ACAD11: variants seen among roughly 807,000 people sequenced by gnomAD.
The protein encoded by ACAD11 is acyl-Coenzyme A dehydrogenase family, member 11.
A neutral mutation model predicts 102.2 loss-of-function variants in ACAD11; 83 were observed. The observed-to-expected ratio is 0.81, with a 90% CI of 0.68 to 0.97. The LOEUF is 0.97. Ranked by LOEUF, ACAD11 falls within the 50% of genes least tolerant of loss-of-function variation. The pLI, the probability that ACAD11 is intolerant of heterozygous loss-of-function variation, is 0.00. For missense variants in ACAD11, 901 were observed against 951.7 expected (o/e 0.95, Z 0.70); for synonymous variants, 324 against 319.8 (o/e 1.01, Z -0.14).
intron 11 of ACAD11, among the ~76,000 whole-genome samples, chr3:132,616,463 A>G (rs1191526652): frequency 6.6e-6 from 1 of 152,248 alleles, no homozygotes; most frequent in East Asian, 1.9e-4. Context: ...CATTCTCTAA[A>G]AAATGAAATA....
rs113761322 is a variant in ACAD11 at position 132,612,278 on chromosome 3, G to T, written c.1414+6356C>A. ...ACCTAAAACCATAAAAACCCTAGAAGAAAACCTAGGCAATACCATTCAGGA... is the reference window on the plus strand; with the variant it reads ...ACCTAAAACCATAAAAACCCTAGAATAAAACCTAGGCAATACCATTCAGGA... On this transcript the variant is annotated intron_variant, in intron 11 of 19. Coordinates refer to ENST00000264990, the MANE Select transcript of ACAD11 (RefSeq NM_032169.5). Among the ~76,000 whole-genome samples the T allele has an allele frequency of 7.8e-4, 118 of 152,068 alleles. 3 individuals carry two copies. The highest frequency in any genetic ancestry group is 2.8e-3 in the African/African-American group (117 of 41,378).
intron 5 of ACAD11, among the ~76,000 whole-genome samples, chr3:132,638,230 T>C (rs931690200): frequency 1.3e-5 from 2 of 152,138 alleles, no homozygotes; most frequent in Non-Finnish European, 2.9e-5. Flanking sequence ...TTTTCAATTT[T>C]AAAAGGTACA....
rs1386336788 is a variant in ACAD11 at position 132,620,848 on chromosome 3, A to G, written c.1198-1303T>C. 2.6e-5 allele frequency among the ~76,000 whole-genome samples: 4 copies of G among 152,210 alleles called. No homozygotes were observed. The East Asian group carries it at 7.7e-4, about 29-fold the overall frequency. ...CTTTGTCCTACTTCAATGAACCTGC[A>G]CTTCTGTGTCCTTTACTAGCTTAAG... On this transcript the variant is annotated intron_variant, in intron 9 of 19. Transcript: ENST00000264990.
intron 4 of ACAD11, among the ~76,000 whole-genome samples, chr3:132,641,575 A>T (rs113557756): frequency 4.5e-4 from 67 of 147,522 alleles, no homozygotes; most frequent in African/African-American, 1.4e-3. Context: ...AAGAAGAAGA[A>T]GAAGAAGAAG....
chr3:132,570,786 T>C (rs1383558225), intron 17 of ACAD11, among the ~76,000 whole-genome samples: 1 of 152,194 alleles, frequency 6.6e-6, no homozygotes, highest in Admixed American at 6.5e-5. Context: ...CCTGCGTTAG[T>C]TGGCTAAGGA....
chr3:132,566,158 A>G (rs924676337), intron 17 of ACAD11, among the ~76,000 whole-genome samples: 1 of 152,112 alleles, frequency 6.6e-6, no homozygotes. Context: ...TTTATAAGTA[A>G]AAAATATAAC....
At chr3:132,564,141 C>A (rs1274368923) in intron 17 of ACAD11, among the ~76,000 whole-genome samples, 1 of 151,742 alleles carries the variant, frequency 6.6e-6, no homozygotes, top group East Asian at 1.9e-4. Flanking sequence ...TGGGATAAAC[C>A]CTACTTGATT....
rs1192258220 is a variant in ACAD11 at position 132,631,333 on chromosome 3, T to C, written c.841+8A>G. ...AATAGCAATTTAGACAACATTATGT[T>C]TTTATACCTGAGTTTTCACTATAAG... On this transcript the variant is annotated splice_region_variant and intron_variant, in intron 6 of 19. Transcript: ENST00000264990. 1 of 1,423,608 alleles carries C rather than the reference T, an allele frequency of 7.0e-7. No individual in the cohort carries two copies. The highest frequency in any genetic ancestry group is 9.3e-7 in the Non-Finnish European group (1 of 1,079,600). 88.2% of individuals were successfully genotyped at this position (1,423,608 alleles called of 1,614,324 possible).
intron 1 of ACAD11, among the ~76,000 whole-genome samples, chr3:132,654,908 G>T (rs762991189): frequency 6.6e-6 from 1 of 152,178 alleles, no homozygotes; most frequent in Non-Finnish European, 1.5e-5. Flanking sequence ...ATTTGAACCC[G>T]ATAGGACACA....
chr3:132,617,990 A>C (rs759993913), intron 11 of ACAD11, among the ~76,000 whole-genome samples: 2 of 152,186 alleles, frequency 1.3e-5, no homozygotes, highest in African/African-American at 2.4e-5. Flanking sequence ...TATCCTGACC[A>C]TTCTATTTAA....
chr3:132,577,476 G>A (rs887354697), intron 15 of ACAD11, among the ~76,000 whole-genome samples: 1 of 152,082 alleles, frequency 6.6e-6, no homozygotes. Flanking sequence ...GATGACAGGG[G>A]CCTGCTTGAG....
At chr3:132,644,919 A>T in intron 1 of ACAD11, 23 bp from the exon 2 acceptor site, 1 of 1,419,686 alleles carries the variant, frequency 7.0e-7, no homozygotes, top group Non-Finnish European at 9.8e-7. Flanking sequence ...AAAAAAAAAA[A>T]AGGTCAATTA....
intron 8 of ACAD11, 36 bp downstream of exon 8, chr3:132,628,304 C>T: frequency 1.3e-6 from 2 of 1,499,080 alleles, no homozygotes; most frequent in East Asian, 2.3e-5. Flanking sequence ...AATAAAGGCT[C>T]TAATTTGAGT....
At position 132,648,790 on chromosome 3, in the gene ACAD11, T is replaced by A. The variant is rs1036231536; in HGVS notation, c.150-3894A>T. The A allele has an allele frequency of 9.2e-5, 14 of 152,232 alleles. 1 individual carries two copies. Among genetic ancestry groups the A allele is most frequent in the Admixed American group, 7.9e-4 (12 of 15,274 alleles). 9.4% of individuals were successfully genotyped at this position (152,232 alleles called of 1,614,324 possible). On this transcript the variant is annotated intron_variant, in intron 1 of 19. Transcript: ENST00000264990. ...TAACTATCTACTCTGACAACCAGTT[T>A]GGTTTGTGTAGGGAAAAGAGAGATC...
chr3:132,611,068 C>T (rs1423568038), intron 11 of ACAD11, among the ~76,000 whole-genome samples: 1 of 152,094 alleles, frequency 6.6e-6, no homozygotes, highest in Non-Finnish European at 1.5e-5. Context: ...GCTGGTTCAA[C>T]ATACGCAAAT....
chr3:132,638,657 C>T (rs73002011), intron 5 of ACAD11, among the ~76,000 whole-genome samples: 1,890 of 152,140 alleles, frequency 0.012, 40 homozygotes, highest in African/African-American at 0.043. Flanking sequence ...TATGTAGACT[C>T]GACTAAAATA....
chr3:132,627,124 G>T (rs1939850987), intron 8 of ACAD11: 2 of 186,238 alleles, frequency 1.1e-5, no homozygotes, highest in Admixed American at 5.8e-5. Context: ...GCCCACAATG[G>T]ACTGGGGGCC....
chr3:132,610,929 A>G (rs1380582058), intron 11 of ACAD11, among the ~76,000 whole-genome samples: 1 of 152,188 alleles, frequency 6.6e-6, no homozygotes, highest in Non-Finnish European at 1.5e-5. Context: ...AAAAAAGAGA[A>G]TTTTAGACCA....
At chr3:132,658,184 T>C (rs1296205562) in intron 1 of ACAD11, among the ~76,000 whole-genome samples, 1 of 152,174 alleles carries the variant, frequency 6.6e-6, no homozygotes, top group East Asian at 1.9e-4. Context: ...TTTCAAAATA[T>C]AAAGATTGAT....
Sources: gnomAD v4.1 joint callset for allele counts (sites outside exome capture counted in the v4.1 genomes callset) on GRCh38, gnomAD v4.1.1 for gene constraint, MANE v1.5 for transcripts, NCBI Gene and HGNC (gene_info 2026-07-23, HGNC 2026-07-21) for gene names.